Variants in LPP observed in about 807,000 individuals in gnomAD.
The protein encoded by LPP is LIM domain containing preferred translocation partner in lipoma.
A neutral mutation model predicts 60.4 loss-of-function variants in LPP; 38 were observed. That is an observed-to-expected ratio of 0.63 (90% CI 0.49 to 0.83). The LOEUF (loss-of-function observed/expected upper bound fraction) is 0.83. Among genes scored for constraint, LPP ranks in the 40% least tolerant of loss-of-function variants. LPP has a pLI of 0.00. For synonymous variants in LPP, 328 were observed against 290.8 expected (o/e 1.13, Z -1.30); for missense variants, 902 against 783.6 (o/e 1.15, Z -1.80).
chr3:188,723,416 C>A (rs148036997), intron 8 of LPP, among the ~76,000 whole-genome samples: 1 of 152,088 alleles, frequency 6.6e-6, no homozygotes, highest in Non-Finnish European at 1.5e-5. Context: ...GAGTTTGGGG[C>A]CCCTCAGTAA....
chr3:188,785,547 T>TATATATATATACACAC lies in LPP; in HGVS notation c.1410+25266_1410+25267insTATATATATACACACA, dbSNP rs1206082559. The stretch of plus-strand genomic sequence containing the variant: ...ATATATATTCCATCATATATATATA[T>TATATATATATACACAC]ACACACACACACACACACACACACA... On this transcript the variant is annotated intron_variant, in intron 9 of 11. Transcript: ENST00000617246. Among the ~76,000 whole-genome samples, 73 of 43,846 alleles carry TATATATATATACACAC rather than the reference T, an allele frequency of 1.7e-3. 15 individuals are homozygous for TATATATATATACACAC. Among genetic ancestry groups the TATATATATATACACAC allele is most frequent in the African/African-American group, 5.7e-3 (61 of 10,630 alleles). The allele number at this position is 43,846 out of a possible 152,430, so 28.8% of individuals were successfully genotyped here.
chr3:188,662,722 T>C (rs1181544052), intron 7 of LPP, among the ~76,000 whole-genome samples: 3 of 152,254 alleles, frequency 2.0e-5, no homozygotes, highest in Non-Finnish European at 4.4e-5. Context: ...AAATTAAAGC[T>C]ATTTAGAGAT....
At chr3:188,448,819 T>C (rs868466771) in intron 4 of LPP, among the ~76,000 whole-genome samples, 1 of 152,206 alleles carries the variant, frequency 6.6e-6, no homozygotes, top group African/African-American at 2.4e-5. Flanking sequence ...ATAAAAATCT[T>C]AGTGAGTTGT....
At chr3:188,783,955 G>A (rs974411121) in intron 9 of LPP, among the ~76,000 whole-genome samples, 2 of 152,060 alleles carry the variant, frequency 1.3e-5, no homozygotes, top group Non-Finnish European at 2.9e-5. Flanking sequence ...GTTATTGGGG[G>A]CACAGGTGGT....
chr3:188,363,307 A>T (rs1443779736), intron 3 of LPP, among the ~76,000 whole-genome samples: 1 of 152,188 alleles, frequency 6.6e-6, no homozygotes, highest in African/African-American at 2.4e-5. Context: ...CAGCATTTCA[A>T]ATGCTAAGTC....
intron 6 of LPP, among the ~76,000 whole-genome samples, chr3:188,555,170 G>T (rs1338434420): frequency 6.6e-6 from 1 of 152,098 alleles, no homozygotes; most frequent in Non-Finnish European, 1.5e-5. Context: ...ATCATGGCTG[G>T]CATCTGGCAT....
intron 9 of LPP, among the ~76,000 whole-genome samples, chr3:188,814,858 G>A (rs562997903): frequency 8.5e-4 from 130 of 152,252 alleles, no homozygotes; most frequent in African/African-American, 3.0e-3. Context: ...AGTCATTAGC[G>A]GCAGAGCCCA....
At chr3:188,354,817 G>T (rs1767034752) in intron 3 of LPP, among the ~76,000 whole-genome samples, 1 of 71,834 alleles carries the variant, frequency 1.4e-5, no homozygotes, top group Non-Finnish European at 2.5e-5. Context: ...ACACGCGCGT[G>T]CGCGCACACA....
At chr3:188,867,203 CT>C (rs1487301515) in intron 10 of LPP, among the ~76,000 whole-genome samples, 3 of 150,018 alleles carry the variant, frequency 2.0e-5, no homozygotes, top group Admixed American at 2.0e-4. Flanking sequence ...TTGTATTGTG[CT>C]TATTTTTATT....
At chr3:188,350,394 A>T (rs746288960) in intron 3 of LPP, among the ~76,000 whole-genome samples, 2 of 152,202 alleles carry the variant, frequency 1.3e-5, no homozygotes, top group Non-Finnish European at 2.9e-5. Context: ...TATTACAAGG[A>T]TTTGAAGAGT....
chr3:188,391,778 A>G (rs1779746354), intron 3 of LPP, among the ~76,000 whole-genome samples: 1 of 151,720 alleles, frequency 6.6e-6, no homozygotes, highest in South Asian at 2.1e-4. Flanking sequence ...ACACTGAGAC[A>G]TGAGTCCAGC....
At chr3:188,375,919 G>T (rs139785987) in intron 3 of LPP, among the ~76,000 whole-genome samples, 2 of 151,636 alleles carry the variant, frequency 1.3e-5, no homozygotes, top group Non-Finnish European at 2.9e-5. Context: ...TGTTCTCGTT[G>T]GTTTCAAAGA....
rs1475700900 is a variant in LPP, at chr3:188,276,687, CTCTCTCTT to C, written c.-67+51168_-67+51175del. ...CAACTCTGTCTCTCTCTCTCTCTCTCTCTCTCTTTCTCTCTCTCTCTCTCTCTCTCTCT... is the reference window on the plus strand; with the variant it reads ...CAACTCTGTCTCTCTCTCTCTCTCTCTCTCTCTCTCTCTCTCTCTCTCTCT... On this transcript the variant is annotated intron_variant, in intron 2 of 11. Transcript: ENST00000617246. Among the ~76,000 whole-genome samples, 220 of 15,370 alleles carry C rather than the reference CTCTCTCTT, an allele frequency of 0.014. 5 individuals carry two copies. The African/African-American group carries it at 0.16, about 11-fold the overall frequency. 10.1% of individuals were successfully genotyped at this position (15,370 alleles called of 152,430 possible).
chr3:188,392,777 G>C (rs2148703004), intron 3 of LPP, among the ~76,000 whole-genome samples: 1 of 152,196 alleles, frequency 6.6e-6, no homozygotes, highest in East Asian at 1.9e-4. Flanking sequence ...GAAAAAGGAG[G>C]TGGTCCTGGA....
intron 7 of LPP, among the ~76,000 whole-genome samples, chr3:188,706,925 T>G (rs570770828): frequency 2.0e-5 from 3 of 152,210 alleles, no homozygotes; most frequent in Non-Finnish European, 4.4e-5. Context: ...TATCACACTT[T>G]TATTAAGAAT....
chr3:188,704,551 C>A lies in LPP; in HGVS notation c.1114-3716C>A, dbSNP rs111314739. On this transcript the variant is annotated intron_variant, in intron 7 of 11. Coordinates refer to ENST00000617246, the MANE Select transcript of LPP (RefSeq NM_001375462.1). ...GCCACCAGTATATTAGATAAACTCA[C>A]CATCTCATTTCAGTCTTGCTGCTCT... 7.2e-3 allele frequency among the ~76,000 whole-genome samples: 1,095 copies of A among 152,236 alleles called. 15 individuals carry two copies. Among genetic ancestry groups the A allele is most frequent in the African/African-American group, 0.025 (1,047 of 41,530 alleles).
intron 1 of LPP, among the ~76,000 whole-genome samples, chr3:188,197,242 C>G (rs1188167939): frequency 1.3e-5 from 2 of 151,942 alleles, no homozygotes; most frequent in African/African-American, 4.8e-5. Context: ...CAGAGGAGAC[C>G]CCTATAGTCA....
chr3:188,413,123 T>C (rs114050847), intron 4 of LPP, among the ~76,000 whole-genome samples: 2,114 of 152,282 alleles, frequency 0.014, 24 homozygotes, highest in Middle Eastern at 0.051. Context: ...CACATTTGTT[T>C]TCTTAGCAGA....
chr3:188,202,888 A>T (rs1361681919), intron 1 of LPP, among the ~76,000 whole-genome samples: 1 of 151,952 alleles, frequency 6.6e-6, no homozygotes, highest in African/African-American at 2.4e-5. Context: ...CATTTTATGG[A>T]TGAAGAAACT....
Sources: gnomAD v4.1 joint callset for allele counts (sites outside exome capture counted in the v4.1 genomes callset) on GRCh38, gnomAD v4.1.1 for gene constraint, MANE v1.5 for transcripts, NCBI Gene and HGNC (gene_info 2026-07-23, HGNC 2026-07-21) for gene names.